RAP2A: variants seen among roughly 807,000 people sequenced by gnomAD.
RAP2A encodes the protein RAP2A, member of RAS oncogene family, also known as ras-related protein Rap-2a.
In RAP2A, 5 loss-of-function variants were observed where a neutral mutation model predicts 15.1. The ratio of observed to expected loss-of-function variants is 0.33; its 90% CI spans 0.17 to 0.70. The LOEUF (loss-of-function observed/expected upper bound fraction) is 0.70, where lower values mean the gene tolerates loss of function less well. RAP2A is among the 30% of genes least tolerant of loss of function. The probability of loss-of-function intolerance (pLI) is 0.68; values close to 1 mark genes in which losing one functional copy is unlikely to be tolerated. For missense variants in RAP2A, 111 were observed against 240.3 expected (o/e 0.46, Z 3.56); for synonymous variants, 110 against 99.7 (o/e 1.10, Z -0.62).
rs2066713437 is a variant in RAP2A, at chr13:97,454,179, T to G, written c.315-10026T>G. On this transcript the variant is annotated intron_variant, in intron 1 of 1. Coordinates refer to ENST00000245304, the MANE Select transcript of RAP2A (RefSeq NM_021033.7). ...GGTTAGTGTTTATATGATATATCTTTTTCTATCCTTTTATCTTTAACTTAT... is the reference window on the plus strand; with the variant it reads ...GGTTAGTGTTTATATGATATATCTTGTTCTATCCTTTTATCTTTAACTTAT... Among the ~76,000 whole-genome samples the G allele has an allele frequency of 3.3e-5, 5 of 151,370 alleles. No individual in the cohort carries two copies. In the East Asian group the frequency reaches 9.6e-4, roughly 29 times the overall value.
Position 97,467,317 on chromosome 13 carries a change from C to A in RAP2A, c.*2875C>A, listed in dbSNP as rs944546428. On this transcript the variant is annotated 3_prime_UTR_variant, in exon 2 of 2. Coordinates refer to ENST00000245304, the MANE Select transcript of RAP2A (RefSeq NM_021033.7). Reference sequence around the variant, plus strand: ...TCAAAAGTATTACATAAAATATTTTCTTAAACTATTGAAAGGTGCTTTGAT... The same window carrying A: ...TCAAAAGTATTACATAAAATATTTTATTAAACTATTGAAAGGTGCTTTGAT... 6.6e-5 allele frequency: 10 copies of A among 152,488 alleles called. No homozygotes were observed. The highest frequency in any genetic ancestry group is 1.9e-4 in the African/African-American group (8 of 41,400). 9.4% of individuals were successfully genotyped at this position (152,488 alleles called of 1,614,324 possible).
chr13:97,442,315 A>G (rs1387764040), intron 1 of RAP2A, among the ~76,000 whole-genome samples: 1 of 152,056 alleles, frequency 6.6e-6, no homozygotes, highest in Non-Finnish European at 1.5e-5. Context: ...TTTGTTTTTT[A>G]TTTCTCTAAT....
At chr13:97,442,955 G>A (rs1480410489) in intron 1 of RAP2A, among the ~76,000 whole-genome samples, 1 of 152,140 alleles carries the variant, frequency 6.6e-6, no homozygotes, top group African/African-American at 2.4e-5. Context: ...AGAAATATGA[G>A]AATGTATTTC....
intron 1 of RAP2A, among the ~76,000 whole-genome samples, chr13:97,452,667 C>CAT (rs1555326588): frequency 1.3e-5 from 2 of 150,712 alleles, no homozygotes; most frequent in Non-Finnish European, 3.0e-5. Flanking sequence ...CACACACACA[C>CAT]ACAACCAACG....
At chr13:97,442,750 A>G (rs1384194767) in intron 1 of RAP2A, among the ~76,000 whole-genome samples, 1 of 152,190 alleles carries the variant, frequency 6.6e-6, no homozygotes, top group Non-Finnish European at 1.5e-5. Context: ...AAATGTAACT[A>G]TCTGTTTAAT....
Position 97,434,425 on chromosome 13 carries a change from G to C in RAP2A, c.-46G>C. 1 of 1,524,890 alleles carries C rather than the reference G, an allele frequency of 6.6e-7. No homozygotes were observed. Among genetic ancestry groups the C allele is most frequent in the Non-Finnish European group, 8.8e-7 (1 of 1,135,264 alleles). 94.5% of individuals were successfully genotyped at this position (1,524,890 alleles called of 1,614,324 possible). A position where few individuals can be genotyped will look rare whatever the true frequency, so the allele number is the denominator to read the frequency against. On this transcript the variant is annotated 5_prime_UTR_variant, in exon 1 of 2. The change abolishes the stop of an existing upstream ORF in the 5' untranslated region. Transcript: ENST00000245304. ...CTGGGGGCGCAGCGCGGCCGGCGTAGGTCTATGTCGCGGGCGGCGGCGGCG... is the reference window on the plus strand; with the variant it reads ...CTGGGGGCGCAGCGCGGCCGGCGTACGTCTATGTCGCGGGCGGCGGCGGCG...
intron 1 of RAP2A, among the ~76,000 whole-genome samples, chr13:97,437,099 T>G (rs2066637343): frequency 6.6e-6 from 1 of 152,194 alleles, no homozygotes; most frequent in Non-Finnish European, 1.5e-5. Context: ...ATTTTAACAT[T>G]CCTAGTAGCT....
chr13:97,448,430 G>A (rs1237314912), intron 1 of RAP2A, among the ~76,000 whole-genome samples: 1 of 152,188 alleles, frequency 6.6e-6, no homozygotes, highest in African/African-American at 2.4e-5. Context: ...GCGGGAGGCT[G>A]TAAAACAGGC....
intron 1 of RAP2A, among the ~76,000 whole-genome samples, chr13:97,438,052 T>G (rs551421216): frequency 6.6e-6 from 1 of 152,338 alleles, no homozygotes; most frequent in African/African-American, 2.4e-5. Context: ...TGCTTTCTTT[T>G]CTTAACTTGA....
intron 1 of RAP2A, among the ~76,000 whole-genome samples, chr13:97,462,455 T>C (rs1004182840): frequency 1.3e-5 from 2 of 152,174 alleles, no homozygotes; most frequent in African/African-American, 4.8e-5. Context: ...AGCTTTATTC[T>C]CACTGCCACT....
chr13:97,451,104 C>T (rs998933314), intron 1 of RAP2A, among the ~76,000 whole-genome samples: 2 of 152,178 alleles, frequency 1.3e-5, no homozygotes, highest in Non-Finnish European at 2.9e-5. Flanking sequence ...AAGAAACTGA[C>T]TGTGATCAGC....
rs541569588 is a variant in RAP2A, at chr13:97,454,240, T to C, written c.315-9965T>C. ...TAAAGTGGATTTCTTCTTGATAGCA[T>C]GGATGTAGGTCTTTTTAAAAAAATT... On this transcript the variant is annotated intron_variant, in intron 1 of 1. Coordinates refer to ENST00000245304, the MANE Select transcript of RAP2A (RefSeq NM_021033.7). Among the ~76,000 whole-genome samples the C allele has an allele frequency of 4.9e-4, 74 of 151,400 alleles. 3 individuals are homozygous for C. Among genetic ancestry groups the C allele is most frequent in the African/African-American group, 1.6e-3 (67 of 41,184 alleles).
Position 97,464,667 on chromosome 13 carries a change from A to C in RAP2A, c.*225A>C, listed in dbSNP as rs1215085790. The C allele has an allele frequency of 8.8e-6, 5 of 565,906 alleles. No individual in the cohort carries two copies. Among genetic ancestry groups the C allele is most frequent in the African/African-American group, 7.5e-5 (4 of 53,378 alleles). 35.1% of individuals were successfully genotyped at this position (565,906 alleles called of 1,614,324 possible). A position where few individuals can be genotyped will look rare whatever the true frequency, so the allele number is the denominator to read the frequency against. On this transcript the variant is annotated 3_prime_UTR_variant, in exon 2 of 2. Coordinates refer to ENST00000245304, the MANE Select transcript of RAP2A (RefSeq NM_021033.7). ...TCCTCAGTCTCCTTTATGCATCTGC[A>C]ACTTTAAGGCATAGTCCATCGATCT...
rs1278885684 is a variant in RAP2A, at chr13:97,463,086, T to TA, written c.315-1118dup. ...CTGTTTAGCTCCTTTAAATCAGAAA[T>TA]ACATTCTGCTTATGGGAAGACACAC... On this transcript the variant is annotated intron_variant, in intron 1 of 1. Transcript: ENST00000245304. Among the ~76,000 whole-genome samples, 5 of 151,928 alleles carry TA rather than the reference T, an allele frequency of 3.3e-5. No individual in the cohort carries two copies. In the East Asian group the frequency reaches 5.8e-4, roughly 18 times the overall value.
Position 97,464,458 on chromosome 13 carries a change from G to C in RAP2A, c.*16G>C. On this transcript the variant is annotated 3_prime_UTR_variant, in exon 2 of 2. Coordinates refer to ENST00000245304, the MANE Select transcript of RAP2A (RefSeq NM_021033.7). ...CATACAATAGCATCCAAATATGGCTGTCCTGGATGGGATTTGCCCAATGTC... is the reference window on the plus strand; with the variant it reads ...CATACAATAGCATCCAAATATGGCTCTCCTGGATGGGATTTGCCCAATGTC... 1 of 1,609,182 alleles carries C rather than the reference G, an allele frequency of 6.2e-7. No homozygotes were observed. The highest frequency in any genetic ancestry group is 8.5e-7 in the Non-Finnish European group (1 of 1,175,534).
chr13:97,435,249 A>C (rs1165812506), intron 1 of RAP2A, among the ~76,000 whole-genome samples: 1 of 152,178 alleles, frequency 6.6e-6, no homozygotes, highest in Non-Finnish European at 1.5e-5. Context: ...ATCTCGTTAA[A>C]GGTTTATGGT....
At chr13:97,447,098 T>C (rs1046965753) in intron 1 of RAP2A, among the ~76,000 whole-genome samples, 2 of 152,204 alleles carry the variant, frequency 1.3e-5, no homozygotes, top group South Asian at 4.1e-4. Flanking sequence ...TTGAAGATGA[T>C]TGAATAAATT....
intron 1 of RAP2A, among the ~76,000 whole-genome samples, chr13:97,435,428 GTTTT>G (rs956327455): frequency 6.7e-5 from 3 of 44,530 alleles, no homozygotes; most frequent in Non-Finnish European, 1.4e-4. Flanking sequence ...GTTTGTTTTT[GTTTT>G]TTTGTTTTTA....
chr13:97,443,971 TTAA>T (rs2066669066), intron 1 of RAP2A, among the ~76,000 whole-genome samples: 1 of 152,240 alleles, frequency 6.6e-6, no homozygotes, highest in African/African-American at 2.4e-5. Flanking sequence ...ACCTAAAATA[TTAA>T]TAATAAAGTT....
Sources: gnomAD v4.1 joint callset for allele counts (sites outside exome capture counted in the v4.1 genomes callset) on GRCh38, gnomAD v4.1.1 for gene constraint, MANE v1.5 for transcripts, NCBI Gene and HGNC (gene_info 2026-07-23, HGNC 2026-07-21) for gene names.